TENM1: variants seen among roughly 807,000 people sequenced by gnomAD.
The protein encoded by TENM1 is teneurin transmembrane protein 1, also known as teneurin-1.
In TENM1, 35 loss-of-function variants were observed where a neutral mutation model predicts 174.8. That is an observed-to-expected ratio of 0.20 (90% CI 0.15 to 0.27). The LOEUF is 0.27. Ranked by LOEUF, TENM1 falls within the 10% of genes least tolerant of loss-of-function variation. The pLI is 1.00. For synonymous variants in TENM1, 781 were observed against 798.7 expected (o/e 0.98, Z 0.37); for missense variants, 1,633 against 2,130.1 (o/e 0.77, Z 4.59).
the TENM1 span, among the ~76,000 whole-genome samples, chrX:124,977,095 C>G: frequency 9.0e-6 from 1 of 111,548 alleles, no homozygotes; most frequent in Non-Finnish European, 1.9e-5. Context: ...TGAGCTTGGG[C>G]CCATTGTGTC....
At chrX:125,021,410 G>A in the TENM1 span, among the ~76,000 whole-genome samples, 4 of 110,797 alleles carry the variant, frequency 3.6e-5, no homozygotes, top group African/African-American at 1.3e-4. Context: ...CTATTCTTGC[G>A]CATTAGCACC....
chrX:125,078,642 C>T, the TENM1 span, among the ~76,000 whole-genome samples: 1 of 111,178 alleles, frequency 9.0e-6, no homozygotes, highest in African/African-American at 3.3e-5. Context: ...TATAATGCAT[C>T]CCTTGGTAGT....
At chrX:125,053,298 C>T in the TENM1 span, among the ~76,000 whole-genome samples, 1 of 111,169 alleles carries the variant, frequency 9.0e-6, no homozygotes, top group Non-Finnish European at 1.9e-5. Context: ...CTTTGGCTTG[C>T]TTTTCTAGGT....
chrX:124,764,686 T>G (rs1431990560), intron 3 of TENM1, among the ~76,000 whole-genome samples: 1 of 110,206 alleles, frequency 9.1e-6, no homozygotes, highest in Non-Finnish European at 1.9e-5. Context: ...GGACTGTTTT[T>G]TTTTTTTTTT....
chrX:124,723,353 C>T (rs1050295799), intron 4 of TENM1, among the ~76,000 whole-genome samples: 1 of 111,343 alleles, frequency 9.0e-6, no homozygotes, highest in Admixed American at 9.6e-5. Context: ...ATCACCACCT[C>T]CTGGAAATTT....
In TENM1 at chrX:124,730,966, T is replaced by C. The variant is rs774496332; in HGVS notation, c.776+5991A>G. Among the ~76,000 whole-genome samples the C allele has an allele frequency of 9.9e-5, 11 of 111,668 alleles. No homozygotes were observed. The South Asian group carries it at 4.1e-3, about 42-fold the overall frequency. On this transcript the variant is annotated intron_variant, in intron 4 of 31. Transcript: ENST00000422452. Reference sequence around the variant, plus strand: ...TGAATTAAGAGAGTTGGGAAGTTATTATATTTTATTTTTTTTAACCTGTTG... The same window carrying C: ...TGAATTAAGAGAGTTGGGAAGTTATCATATTTTATTTTTTTTAACCTGTTG...
chrX:124,754,737 C>T (rs1187769558), intron 3 of TENM1, among the ~76,000 whole-genome samples: 8 of 106,217 alleles, frequency 7.5e-5, no homozygotes, highest in African/African-American at 2.1e-4. Flanking sequence ...GCCTTCATTT[C>T]GTTATGTACC....
chrX:124,577,584 A>C (rs140297983), intron 11 of TENM1, among the ~76,000 whole-genome samples: 2,346 of 112,077 alleles, frequency 0.021, 71 homozygotes, highest in African/African-American at 0.072. Context: ...CTGAACTTTA[A>C]GACATATATT....
rs182863750 is a variant in TENM1 at position 124,434,348 on chromosome X, A to G, written c.4105-11710T>C. ...CCTTGAAGCTCATTAAGAAAAAAGC[A>G]TATATTCCTCCTAAGATAGTTCCTG... On this transcript the variant is annotated intron_variant, in intron 23 of 31. Coordinates refer to ENST00000422452, the Ensembl canonical transcript of TENM1. Among the ~76,000 whole-genome samples, 70 of 111,618 alleles carry G rather than the reference A, an allele frequency of 6.3e-4. 1 individual carries two copies. The Admixed American group carries it at 6.3e-3, about 10-fold the overall frequency.
chrX:124,867,628 G>A (rs914071267), intron 3 of TENM1, among the ~76,000 whole-genome samples: 1 of 112,011 alleles, frequency 8.9e-6, no homozygotes, highest in South Asian at 3.7e-4. Flanking sequence ...AGTATTGGAA[G>A]TCCTAGCTAG....
intron 11 of TENM1, among the ~76,000 whole-genome samples, chrX:124,633,135 A>G (rs924839550): frequency 8.9e-6 from 1 of 112,356 alleles, no homozygotes; most frequent in Admixed American, 9.4e-5. Context: ...GAGAAAAATG[A>G]CAAATAGCCA....
At chrX:124,842,566 G>A (rs762553794) in intron 3 of TENM1, among the ~76,000 whole-genome samples, 1 of 110,965 alleles carries the variant, frequency 9.0e-6, no homozygotes, top group Non-Finnish European at 1.9e-5. Context: ...CTGACATCAG[G>A]GTACCAACAT....
the TENM1 span, among the ~76,000 whole-genome samples, chrX:125,112,998 T>C: frequency 9.0e-6 from 1 of 110,858 alleles, no homozygotes; most frequent in Non-Finnish European, 1.9e-5. Flanking sequence ...CCTAAATGAT[T>C]TTGAAAAAGA....
intron 11 of TENM1, among the ~76,000 whole-genome samples, chrX:124,583,425 G>T (rs1398606159): frequency 8.9e-6 from 1 of 112,065 alleles, no homozygotes; most frequent in Non-Finnish European, 1.9e-5. Context: ...CAGGCAAACA[G>T]GGTCTGGAGT....
chrX:124,650,037 A>G lies in TENM1; in HGVS notation c.1579+1877T>C, dbSNP rs371954233. 2.8e-3 allele frequency among the ~76,000 whole-genome samples: 303 copies of G among 108,901 alleles called. 2 individuals are homozygous for G. The highest frequency in any genetic ancestry group is 9.7e-3 in the African/African-American group (289 of 29,934). The allele number at this position is 108,901 out of a possible 115,157, so 94.6% of individuals were successfully genotyped here. A position where few individuals can be genotyped will look rare whatever the true frequency, so the allele number is the denominator to read the frequency against. On this transcript the variant is annotated intron_variant, in intron 8 of 31. Coordinates refer to ENST00000422452, the Ensembl canonical transcript of TENM1. The stretch of plus-strand genomic sequence containing the variant: ...GCCAACATGGTGAAACCCCGTCTCT[A>G]CTAAAAATACAAAAATTAGCTGGGA...
chrX:125,072,325 G>A, the TENM1 span, among the ~76,000 whole-genome samples: 2 of 111,156 alleles, frequency 1.8e-5, no homozygotes, highest in Non-Finnish European at 3.8e-5. Context: ...TCAATCTGAT[G>A]CTGTTTTAAG....
intron 3 of TENM1, among the ~76,000 whole-genome samples, chrX:124,819,748 G>T (rs1278433416): frequency 3.6e-5 from 4 of 110,475 alleles, no homozygotes; most frequent in African/African-American, 1.3e-4. Flanking sequence ...TAATCTGAAT[G>T]ATACTGGGCT....
At chrX:124,948,221 T>C (rs1273228638) in intron 1 of TENM1, among the ~76,000 whole-genome samples, 2 of 112,034 alleles carry the variant, frequency 1.8e-5, no homozygotes, top group South Asian at 3.7e-4. Flanking sequence ...GTTTGTGGCA[T>C]GAAGGCAACA....
chrX:124,712,576 C>T (rs13440813), intron 4 of TENM1, among the ~76,000 whole-genome samples: 6 of 110,415 alleles, frequency 5.4e-5, no homozygotes, highest in Admixed American at 9.6e-5. Context: ...CTGCCTCCCA[C>T]GTTCAGGTGA....
Sources: gnomAD v4.1 joint callset for allele counts (sites outside exome capture counted in the v4.1 genomes callset) on GRCh38, gnomAD v4.1.1 for gene constraint, MANE v1.5 for transcripts, NCBI Gene and HGNC (gene_info 2026-07-23, HGNC 2026-07-21) for gene names.